The following TESC variants were observed in gnomAD, a reference collection of about 807,000 sequenced individuals.
TESC encodes calcineurin B homologous protein 3.
In TESC, 19 loss-of-function variants were observed where a neutral mutation model predicts 31.0. The observed-to-expected ratio is 0.61, with a 90% CI of 0.43 to 0.90. The LOEUF (loss-of-function observed/expected upper bound fraction) is 0.90. Ranked by LOEUF, TESC falls within the 40% of genes least tolerant of loss-of-function variation. The probability of loss-of-function intolerance (pLI) is 0.00; values close to 1 mark genes in which losing one functional copy is unlikely to be tolerated. For synonymous variants in TESC, 109 were observed against 114.8 expected, an observed-to-expected ratio of 0.95 and a Z score of 0.32; for missense variants, 248 against 303.8, an observed-to-expected ratio of 0.82 and a Z score of 1.36.
chr12:117,046,701 G>C, intron 5 of TESC, 35 bp from the exon 6 acceptor site: 2 of 1,552,262 alleles, frequency 1.3e-6, no homozygotes, highest in Non-Finnish European at 1.7e-6. Flanking sequence ...GGTGACCTTG[G>C]GCCTCCATCA....
Position 117,046,604 on chromosome 12 carries a change from G to C in TESC, c.474C>G (p.Ala158=), listed in dbSNP as rs140780871. The C allele has an allele frequency of 3.2e-6, 5 of 1,551,240 alleles. No individual in the cohort carries two copies. Among genetic ancestry groups the C allele is most frequent in the Non-Finnish European group, 4.4e-6 (5 of 1,147,032 alleles). The change falls in exon 6 of 8, where the codon GCC becomes GCG. Residue 158 remains alanine (A), a synonymous_variant. Coordinates refer to ENST00000335209, the MANE Select transcript of TESC (RefSeq NM_017899.4). ...HIEKESARSI[A]DGAMMEAASV... ...TGGCCGCCTCCATCATGGCCCCGTC[G>C]GCGATGGAGCGAGCGGACTCCTTCT...
At chr12:117,075,893 ATATATATATATATATATATATGTG>A (rs1955057262) in intron 1 of TESC, among the ~76,000 whole-genome samples, 1 of 82,178 alleles carries the variant, frequency 1.2e-5, no homozygotes, top group African/African-American at 7.0e-5. Context: ...ATATATATAT[ATATATATATATATATATATATGTG>A]TGTGTGTATA....
chr12:117,055,610 G>A (rs767935567), intron 3 of TESC, among the ~76,000 whole-genome samples: 1 of 152,174 alleles, frequency 6.6e-6, no homozygotes, highest in African/African-American at 2.4e-5. Flanking sequence ...TGTCACTTCC[G>A]AGATTCAGTT....
chr12:117,046,776 C>T lies in TESC; in HGVS notation c.411+1G>A. The T allele has an allele frequency of 1.3e-6, 2 of 1,563,268 alleles. No individual in the cohort carries two copies. The highest frequency in any genetic ancestry group is 1.7e-4 in the Middle Eastern group (1 of 6,012). On this transcript the variant is annotated splice_donor_variant, in intron 5 of 7. Coordinates refer to ENST00000335209, the MANE Select transcript of TESC (RefSeq NM_017899.4). LOFTEE classifies it high-confidence loss of function. ...GGGCGGGCCAGAGGAGCATACTTTA[C>T]ATTTCGATATTCTTCCAGAGTGATG...
intron 1 of TESC, among the ~76,000 whole-genome samples, chr12:117,091,396 T>G (rs1463221699): frequency 6.6e-6 from 1 of 152,222 alleles, no homozygotes; most frequent in African/African-American, 2.4e-5. Flanking sequence ...GGTTATTCTG[T>G]TTGTCTTACT....
chr12:117,043,521 G>A (rs1214429194), intron 6 of TESC, among the ~76,000 whole-genome samples: 7 of 152,090 alleles, frequency 4.6e-5, no homozygotes, highest in African/African-American at 1.7e-4. Flanking sequence ...GTGCAGTGGC[G>A]CGATCTTGGC....
In TESC at chr12:117,077,353, T is replaced by C. The variant is rs527342087; in HGVS notation, c.59-2013A>G. 1.4e-4 allele frequency among the ~76,000 whole-genome samples: 22 copies of C among 152,338 alleles called. No individual in the cohort carries two copies. In the South Asian group the frequency reaches 4.3e-3, roughly 30 times the overall value. ...ATTTCTACCTTTCTGCAGGGAAATA[T>C]GGCCATTTAGATCATAGGTATGTCA... On this transcript the variant is annotated intron_variant, in intron 1 of 7. Transcript: ENST00000335209.
At chr12:117,097,095 A>G (rs1430740439) in intron 1 of TESC, among the ~76,000 whole-genome samples, 1 of 152,138 alleles carries the variant, frequency 6.6e-6, no homozygotes, top group African/African-American at 2.4e-5. Context: ...CTAAATCCCC[A>G]GCCCCTGGTC....
intron 2 of TESC, among the ~76,000 whole-genome samples, chr12:117,066,009 A>G (rs1954873608): frequency 6.6e-6 from 1 of 151,926 alleles, no homozygotes. Flanking sequence ...CCAACTCTCC[A>G]ATTCTCCTCA....
intron 6 of TESC, among the ~76,000 whole-genome samples, chr12:117,044,061 C>T (rs965506013): frequency 2.0e-5 from 3 of 152,042 alleles, no homozygotes; most frequent in Non-Finnish European, 2.9e-5. Flanking sequence ...GACTGGTCAA[C>T]ATAATGACAT....
At chr12:117,069,444 G>A (rs904731771) in intron 2 of TESC, among the ~76,000 whole-genome samples, 1 of 152,090 alleles carries the variant, frequency 6.6e-6, no homozygotes, top group South Asian at 2.1e-4. Context: ...TCACCATGTT[G>A]GCCAGGCTGG....
At chr12:117,078,515 C>T (rs140931825) in intron 1 of TESC, among the ~76,000 whole-genome samples, 1 of 151,756 alleles carries the variant, frequency 6.6e-6, no homozygotes, top group African/African-American at 2.4e-5. Context: ...GTATGTTTAG[C>T]CAATTTTTGT....
chr12:117,054,577 C>T (rs1183384877), intron 3 of TESC, among the ~76,000 whole-genome samples: 1 of 152,154 alleles, frequency 6.6e-6, no homozygotes, highest in Non-Finnish European at 1.5e-5. Context: ...CCAGGCCTTG[C>T]CCCATGGGCC....
chr12:117,042,611 C>A (rs1954501473), intron 6 of TESC, among the ~76,000 whole-genome samples: 1 of 152,230 alleles, frequency 6.6e-6, no homozygotes, highest in South Asian at 2.1e-4. Flanking sequence ...GAGCCTCTCC[C>A]TGCTGAGTGG....
intron 1 of TESC, among the ~76,000 whole-genome samples, chr12:117,095,266 G>C (rs868244380): frequency 6.6e-6 from 1 of 151,962 alleles, no homozygotes; most frequent in African/African-American, 2.4e-5. Context: ...GTAGAGACAG[G>C]GTTTCACTAT....
intron 2 of TESC, among the ~76,000 whole-genome samples, chr12:117,073,439 C>T (rs1955004760): frequency 1.3e-5 from 2 of 152,094 alleles, no homozygotes; most frequent in Non-Finnish European, 2.9e-5. Context: ...AAACTGAGAC[C>T]AGAGGCCACA....
chr12:117,099,094 A>G (rs1955436740), intron 1 of TESC, 131 bp downstream of exon 1: 3 of 967,540 alleles, frequency 3.1e-6, no homozygotes, highest in South Asian at 2.0e-5. Context: ...TTGAAAGAGG[A>G]GGAGACTGAG....
intron 2 of TESC, among the ~76,000 whole-genome samples, chr12:117,058,772 A>C (rs1199741852): frequency 6.6e-6 from 1 of 151,136 alleles, no homozygotes; most frequent in Non-Finnish European, 1.5e-5. Context: ...AGGCAAAAAA[A>C]GCTTGGCTGG....
chr12:117,051,622 C>T (rs763326721), intron 3 of TESC, among the ~76,000 whole-genome samples: 2 of 152,188 alleles, frequency 1.3e-5, no homozygotes, highest in African/African-American at 2.4e-5. Context: ...CTTCCCACAG[C>T]GACTGGCTCA....
Sources: gnomAD v4.1 joint callset for allele counts (sites outside exome capture counted in the v4.1 genomes callset) on GRCh38, gnomAD v4.1.1 for gene constraint, MANE v1.5 for transcripts, NCBI Gene and HGNC (gene_info 2026-07-23, HGNC 2026-07-21) for gene names.